Variants in ETV1 observed in about 807,000 individuals in gnomAD.
ETV1 encodes the protein ETS variant transcription factor 1.
A neutral mutation model predicts 62.3 loss-of-function variants in ETV1; 27 were observed. That is an observed-to-expected ratio of 0.43 (90% CI 0.32 to 0.60). The LOEUF is 0.60. ETV1 is among the 20% of genes least tolerant of loss of function. ETV1 has a pLI of 0.06. For missense variants in ETV1, 605 were observed against 605.8 expected, an observed-to-expected ratio of 1.00 and a Z score of 0.01; for synonymous variants, 222 against 199.6, an observed-to-expected ratio of 1.11 and a Z score of -0.94.
chr7:13,931,504 G>C lies in ETV1; in HGVS notation c.800C>G (p.Ser267Ter). The change falls in exon 9 of 14, where the codon TCA (serine) becomes TGA (stop). Residue 267 changes from serine to a stop codon, truncating the protein, a stop_gained and splice_region_variant. Transcript: ENST00000430479. LOFTEE classifies it high-confidence loss of function. ...KQEPRDFAYD[S>*]EVPSCHSIYM... Reference sequence around the variant, plus strand: ...ATTTGCGCAGAGCGCAGGCCTACCTGAGTCATATGCAAAATCTCTGGGTTC... The same window carrying C: ...ATTTGCGCAGAGCGCAGGCCTACCTCAGTCATATGCAAAATCTCTGGGTTC... The C allele has an allele frequency of 6.2e-7, 1 of 1,613,976 alleles. No homozygotes were observed. The highest frequency in any genetic ancestry group is 8.5e-7 in the Non-Finnish European group (1 of 1,179,856).
At chr7:13,977,566 A>C in intron 5 of ETV1, 86 bp from the exon 6 acceptor site, 2 of 897,970 alleles carry the variant, frequency 2.2e-6, no homozygotes, top group Non-Finnish European at 3.5e-6. Context: ...GTCAAGTAAG[A>C]TCTTCTTGGG....
chr7:13,924,901 G>A (rs59158053), intron 9 of ETV1, among the ~76,000 whole-genome samples: 13,459 of 152,138 alleles, frequency 0.088, 1,054 homozygotes, highest in African/African-American at 0.21. Context: ...CAACTTCCCA[G>A]TTTAAAATAG....
chr7:13,923,394 T>C (rs1268914045), intron 9 of ETV1, among the ~76,000 whole-genome samples: 2 of 152,184 alleles, frequency 1.3e-5, no homozygotes. Context: ...ATTTACAATA[T>C]AAAAACATTC....
chr7:13,962,206 T>C (rs1177950546), intron 6 of ETV1, among the ~76,000 whole-genome samples: 1 of 151,080 alleles, frequency 6.6e-6, no homozygotes, highest in Non-Finnish European at 1.5e-5. Flanking sequence ...CACACACGTG[T>C]GTGTGTGTAT....
At chr7:13,983,781 C>T (rs1322733736) in intron 5 of ETV1, among the ~76,000 whole-genome samples, 1 of 151,094 alleles carries the variant, frequency 6.6e-6, no homozygotes, top group Non-Finnish European at 1.5e-5. Flanking sequence ...GTTATATTCT[C>T]CACCAACATA....
chr7:13,982,851 G>T (rs764138788), intron 5 of ETV1, among the ~76,000 whole-genome samples: 1 of 151,802 alleles, frequency 6.6e-6, no homozygotes, highest in African/African-American at 2.4e-5. Context: ...AAATAAAAAT[G>T]AGTGTATTAT....
chr7:13,957,485 T>G (rs112325707), intron 6 of ETV1, among the ~76,000 whole-genome samples: 1 of 152,220 alleles, frequency 6.6e-6, no homozygotes, highest in Non-Finnish European at 1.5e-5. Context: ...GGGATAATCA[T>G]TTTTCCATAA....
Position 13,935,735 on chromosome 7 carries a change from G to C in ETV1, c.527C>G (p.Pro176Arg), listed in dbSNP as rs370813002. ...GTGGTCCATGGGGTAGCTGCTATCT[G>C]GTATGGACTGCGATGGAGGGAGGTG... ...PAHLPPSQSI[P>R]DSSYPMDHRF... The change falls in exon 8 of 14, where the codon CCA (proline) becomes CGA (arginine). Residue 176 changes from proline to arginine, a missense_variant. By Grantham distance (103) the Pro-to-Arg change is moderately radical. Transcript: ENST00000430479. 1.5e-5 allele frequency: 25 copies of C among 1,613,874 alleles called. No homozygotes were observed. In the South Asian group the frequency reaches 2.0e-4, roughly 13 times the overall value.
chr7:13,936,754 C>T (rs1429371784), intron 7 of ETV1, among the ~76,000 whole-genome samples: 1 of 152,036 alleles, frequency 6.6e-6, no homozygotes, highest in African/African-American at 2.4e-5. Flanking sequence ...TGCTGTATTT[C>T]ATTTTGCTGG....
chr7:13,961,991 G>T (rs889332930), intron 6 of ETV1, among the ~76,000 whole-genome samples: 2 of 151,968 alleles, frequency 1.3e-5, no homozygotes, highest in African/African-American at 4.8e-5. Flanking sequence ...TTATTTATGA[G>T]TATGAAGAAA....
At chr7:13,910,371 ATT>A (rs759868509) in intron 10 of ETV1, 30 of 156,210 alleles carry the variant, frequency 1.9e-4, no homozygotes, top group Admixed American at 8.5e-4. Flanking sequence ...CCAGGAATAA[ATT>A]TCATAGAGTT....
At chr7:13,974,489 T>C (rs905981683) in intron 6 of ETV1, among the ~76,000 whole-genome samples, 13 of 152,158 alleles carry the variant, frequency 8.5e-5, no homozygotes, top group Non-Finnish European at 1.9e-4. Context: ...TTAATGCTAT[T>C]GCACAGGGTG....
rs778329967 is a variant in ETV1 at position 13,931,498 on chromosome 7, C to A, written c.802+4G>T. Reference sequence around the variant, plus strand: ...AATGTAATTTGCGCAGAGCGCAGGCCTACCTGAGTCATATGCAAAATCTCT... The same window carrying A: ...AATGTAATTTGCGCAGAGCGCAGGCATACCTGAGTCATATGCAAAATCTCT... On this transcript the variant is annotated splice_donor_region_variant and intron_variant, in intron 9 of 13. Coordinates refer to ENST00000430479, the MANE Select transcript of ETV1 (RefSeq NM_004956.5). 6.2e-7 allele frequency: 1 copy of A among 1,613,898 alleles called. No individual in the cohort carries two copies. The highest frequency in any genetic ancestry group is 1.1e-5 in the South Asian group (1 of 91,070).
chr7:13,921,073 A>C (rs1784789576), intron 9 of ETV1, among the ~76,000 whole-genome samples: 1 of 152,210 alleles, frequency 6.6e-6, no homozygotes, highest in Admixed American at 6.5e-5. Flanking sequence ...ATTTTCTGAA[A>C]GTTCAATAGC....
At position 13,989,661 on chromosome 7, in the gene ETV1, GC is replaced by G; in HGVS notation, c.-384del. The G allele has an allele frequency of 2.5e-6, 1 of 398,922 alleles. No individual in the cohort carries two copies. The highest frequency in any genetic ancestry group is 3.6e-5 in the East Asian group (1 of 28,046). The allele number at this position is 398,922 out of a possible 1,614,324, so 24.7% of individuals were successfully genotyped here. ...CACTTCCCCCTTGGAAGCCGAAAGCGCCTCTGACAGAGCTCAATTCGGTGGT... is the reference window on the plus strand; with the variant it reads ...CACTTCCCCCTTGGAAGCCGAAAGCGCTCTGACAGAGCTCAATTCGGTGGT... On this transcript the variant is annotated 5_prime_UTR_variant, in exon 1 of 14. Coordinates refer to ENST00000430479, the MANE Select transcript of ETV1 (RefSeq NM_004956.5).
At chr7:13,931,027 C>T (rs921867525) in intron 9 of ETV1, among the ~76,000 whole-genome samples, 3 of 152,028 alleles carry the variant, frequency 2.0e-5, no homozygotes, top group East Asian at 1.9e-4. Context: ...GCCTCGATCT[C>T]GGTCTCAGCC....
At chr7:13,975,585 G>A (rs201070353) in intron 6 of ETV1, among the ~76,000 whole-genome samples, 194 of 89,146 alleles carry the variant, frequency 2.2e-3, no homozygotes, top group Middle Eastern at 0.011. Flanking sequence ...AAAAAGAAAA[G>A]AAAAGAAAAA....
intron 9 of ETV1, among the ~76,000 whole-genome samples, chr7:13,916,035 T>C: frequency 6.6e-6 from 1 of 152,000 alleles, no homozygotes; most frequent in East Asian, 1.9e-4. Context: ...ACATCTTAGT[T>C]ACTGAACTTC....
intron 6 of ETV1, among the ~76,000 whole-genome samples, chr7:13,950,959 G>A (rs1048716569): frequency 3.6e-5 from 5 of 140,176 alleles, no homozygotes; most frequent in African/African-American, 1.1e-4. Context: ...AGCAATACTG[G>A]GTCCAATTTC....
Sources: gnomAD v4.1 joint callset for allele counts (sites outside exome capture counted in the v4.1 genomes callset) on GRCh38, gnomAD v4.1.1 for gene constraint, MANE v1.5 for transcripts, NCBI Gene and HGNC (gene_info 2026-07-23, HGNC 2026-07-21) for gene names.